TRAK1: variants seen among roughly 807,000 people sequenced by gnomAD.
TRAK1 encodes the protein trafficking kinesin protein 1.
Under a neutral mutation model 92.1 loss-of-function variants are expected in TRAK1, and 33 were observed. The observed-to-expected ratio is 0.36, with a 90% CI of 0.27 to 0.48. The LOEUF is 0.48. Ranked by LOEUF, TRAK1 falls within the 20% of genes least tolerant of loss-of-function variation. The probability of loss-of-function intolerance (pLI) is 0.99; values close to 1 mark genes in which losing one functional copy is unlikely to be tolerated. For missense variants in TRAK1, 1,123 were observed against 1,257.9 expected, an observed-to-expected ratio of 0.89 and a Z score of 1.62; for synonymous variants, 521 against 517.3, an observed-to-expected ratio of 1.01 and a Z score of -0.10.
intron 2 of TRAK1, among the ~76,000 whole-genome samples, chr3:42,174,595 C>T (rs917458694): frequency 2.0e-5 from 3 of 151,052 alleles, no homozygotes; most frequent in South Asian, 2.1e-4. Flanking sequence ...CTCAGCCTCC[C>T]GAGTAGCTGG....
intron 14 of TRAK1, chr3:42,212,166 T>C: frequency 2.0e-6 from 2 of 985,406 alleles, no homozygotes; most frequent in Non-Finnish European, 2.4e-6. Context: ...CCTGCAATCA[T>C]GGAGACACAG....
Position 42,056,231 on chromosome 3 carries a change from CTG to C in TRAK1, c.-518-30871_-518-30870del, listed in dbSNP as rs1437643396. ...GGAATTGCTAGATCATGTGGTAACT[CTG>C]TATTTAACATTTTGATAAATTGCCA... On this transcript the variant is annotated intron_variant, in intron 1 of 16. Transcript: ENST00000487159. 6.7e-4 allele frequency among the ~76,000 whole-genome samples: 102 copies of C among 152,102 alleles called. 1 individual carries two copies. Among genetic ancestry groups the C allele is most frequent in the Admixed American group, 5.2e-3 (79 of 15,266 alleles).
intron 1 of TRAK1, among the ~76,000 whole-genome samples, chr3:42,019,563 T>C (rs1701657145): frequency 6.6e-6 from 1 of 152,186 alleles, no homozygotes; most frequent in Admixed American, 6.5e-5. Flanking sequence ...CCACTGTACC[T>C]GGCCAGGCAG....
At chr3:42,070,431 T>C (rs1357673165) in intron 1 of TRAK1, among the ~76,000 whole-genome samples, 1 of 151,834 alleles carries the variant, frequency 6.6e-6, no homozygotes. Flanking sequence ...ATTTTATTGT[T>C]GTTGCTGTTG....
Position 42,172,734 on chromosome 3 carries a change from G to T in TRAK1, c.287-4080G>T, listed in dbSNP as rs566383537. 2.0e-5 allele frequency among the ~76,000 whole-genome samples: 3 copies of T among 152,274 alleles called. No individual in the cohort carries two copies. The South Asian group carries it at 6.2e-4, about 32-fold the overall frequency. The stretch of plus-strand genomic sequence containing the variant: ...TTGTTCAGTGCAGAGCTTGGTGCGT[G>T]GTAATGGTTGTTTGGTGTTAGTCAG... On this transcript the variant is annotated intron_variant, in intron 2 of 15. Coordinates refer to ENST00000327628, the MANE Select transcript of TRAK1 (RefSeq NM_001042646.3).
intron 13 of TRAK1, among the ~76,000 whole-genome samples, chr3:42,204,656 C>T (rs1708119879): frequency 6.6e-6 from 1 of 152,176 alleles, no homozygotes; most frequent in Non-Finnish European, 1.5e-5. Context: ...GTGATCATAG[C>T]TCACTACATG....
chr3:42,041,802 C>CTT (rs1186834695), intron 1 of TRAK1, among the ~76,000 whole-genome samples: 1 of 109,702 alleles, frequency 9.1e-6, no homozygotes, highest in Admixed American at 9.5e-5. Context: ...TTTTTCTTTT[C>CTT]TTTTCTTTTT....
intron 1 of TRAK1, among the ~76,000 whole-genome samples, chr3:42,049,121 T>G (rs975045022): frequency 1.3e-5 from 2 of 152,222 alleles, no homozygotes; most frequent in Admixed American, 1.3e-4. Context: ...ACTCCTGGAC[T>G]CAAGTGATCC....
chr3:42,185,475 ATG>A (rs1704661136), intron 4 of TRAK1, among the ~76,000 whole-genome samples: 1 of 152,082 alleles, frequency 6.6e-6, no homozygotes, highest in Non-Finnish European at 1.5e-5. Flanking sequence ...AGAAGGAATG[ATG>A]CTGATTTTCT....
intron 1 of TRAK1, among the ~76,000 whole-genome samples, chr3:42,036,785 C>G (rs1702342742): frequency 6.6e-6 from 1 of 152,132 alleles, no homozygotes; most frequent in Non-Finnish European, 1.5e-5. Context: ...GGGTCTCGCT[C>G]TGTCACCCAG....
intron 1 of TRAK1, among the ~76,000 whole-genome samples, chr3:42,049,559 A>G (rs1371331044): frequency 6.6e-6 from 1 of 150,398 alleles, no homozygotes; most frequent in East Asian, 2.0e-4. Flanking sequence ...TTCTTTGATA[A>G]TTTCCTCCTC....
intron 1 of TRAK1, among the ~76,000 whole-genome samples, chr3:42,019,387 C>G (rs766352193): frequency 6.6e-6 from 1 of 152,156 alleles, no homozygotes; most frequent in East Asian, 1.9e-4. Flanking sequence ...GCCATCTTCC[C>G]GCTTTGGCTT....
rs775698853 is a variant in TRAK1 at position 42,091,463 on chromosome 3, T to C, written c.-7T>C. ...CTCTGAAGTGCCTTTGGAGTTTATGTCTGCACATGGCATTGGTTTTTCAAT... is the reference window on the plus strand; with the variant it reads ...CTCTGAAGTGCCTTTGGAGTTTATGCCTGCACATGGCATTGGTTTTTCAAT... On this transcript the variant is annotated 5_prime_UTR_variant, in exon 1 of 16. Transcript: ENST00000327628. 4 of 1,613,286 alleles carry C rather than the reference T, an allele frequency of 2.5e-6. No homozygotes were observed. Among genetic ancestry groups the C allele is most frequent in the Non-Finnish European group, 3.4e-6 (4 of 1,179,704 alleles).
At chr3:42,187,814 A>T (rs951424083) in intron 4 of TRAK1, among the ~76,000 whole-genome samples, 2 of 152,228 alleles carry the variant, frequency 1.3e-5, no homozygotes, top group African/African-American at 4.8e-5. Flanking sequence ...GTACCAAAGT[A>T]AAAATTATGA....
chr3:42,193,210 G>C lies in TRAK1; in HGVS notation c.900+5G>C, dbSNP rs1208304046. On this transcript the variant is annotated splice_donor_5th_base_variant and intron_variant, in intron 8 of 15. Coordinates refer to ENST00000327628, the MANE Select transcript of TRAK1 (RefSeq NM_001042646.3). ...TTGCAGAAAAAGGCAAAAGCTGTAA[G>C]GCTTCTCTGTTTATCTGGCTGATAC... 1.2e-6 allele frequency: 2 copies of C among 1,613,886 alleles called. No homozygotes were observed. The highest frequency in any genetic ancestry group is 1.7e-4 in the Middle Eastern group (1 of 6,060).
At chr3:42,087,944 C>A (rs374504956), upstream of TRAK1, among the ~76,000 whole-genome samples, 57 of 152,308 alleles carry the variant, frequency 3.7e-4, no homozygotes, top group African/African-American at 1.2e-3. Context: ...TCTGTGCGGG[C>A]ACTTAGTAGT....
chr3:42,114,122 T>A (rs1209893280), intron 1 of TRAK1, among the ~76,000 whole-genome samples: 2 of 152,198 alleles, frequency 1.3e-5, no homozygotes, highest in Non-Finnish European at 2.9e-5. Context: ...CTTAGCATAA[T>A]ATTTTCAAGG....
At chr3:42,186,621 G>C (rs1704896413) in intron 4 of TRAK1, among the ~76,000 whole-genome samples, 1 of 152,186 alleles carries the variant, frequency 6.6e-6, no homozygotes, top group South Asian at 2.1e-4. Flanking sequence ...AGCCACTTCT[G>C]AGCAGAGGGA....
At chr3:42,107,637 A>G (rs1252570880) in intron 1 of TRAK1, among the ~76,000 whole-genome samples, 1 of 152,138 alleles carries the variant, frequency 6.6e-6, no homozygotes, top group African/African-American at 2.4e-5. Context: ...CAAAAAGATT[A>G]TTCTATTTTT....
Sources: gnomAD v4.1 joint callset for allele counts (sites outside exome capture counted in the v4.1 genomes callset) on GRCh38, gnomAD v4.1.1 for gene constraint, MANE v1.5 for transcripts, NCBI Gene and HGNC (gene_info 2026-07-23, HGNC 2026-07-21) for gene names.